The following ZNF622 variants were observed in gnomAD, a reference collection of about 807,000 sequenced individuals.
ZNF622 encodes the protein cytoplasmic 60S subunit biogenesis factor ZNF622.
Under a neutral mutation model 49.7 loss-of-function variants are expected in ZNF622, and 34 were observed. The observed-to-expected ratio is 0.68, with a 90% CI of 0.52 to 0.91. ZNF622 has a LOEUF of 0.91. Among genes scored for constraint, ZNF622 ranks in the 40% least tolerant of loss-of-function variants. The pLI is 0.00. For synonymous variants in ZNF622, 209 were observed against 228.7 expected (o/e 0.91, Z 0.78); for missense variants, 569 against 616.4 (o/e 0.92, Z 0.81).
intron 5 of ZNF622, 40 bp from the exon 6 acceptor site, chr5:16,451,824 G>A: frequency 1.3e-6 from 2 of 1,593,094 alleles, no homozygotes; most frequent in Non-Finnish European, 1.7e-6. Flanking sequence ...GCAAAGTTCT[G>A]TTATTTGTGA....
intron 5 of ZNF622, among the ~76,000 whole-genome samples, chr5:16,452,543 G>A (rs1425750507): frequency 6.6e-6 from 1 of 152,162 alleles, no homozygotes; most frequent in Non-Finnish European, 1.5e-5. Context: ...ACTCTAAGAG[G>A]TAGGTCTTAT....
intron 5 of ZNF622, among the ~76,000 whole-genome samples, chr5:16,452,447 G>T (rs1737948926): frequency 6.6e-6 from 1 of 152,066 alleles, no homozygotes; most frequent in Non-Finnish European, 1.5e-5. Context: ...AATTTTCTAT[G>T]GGAAAATTAC....
chr5:16,462,289 T>C (rs1738131573), intron 3 of ZNF622, among the ~76,000 whole-genome samples: 1 of 152,228 alleles, frequency 6.6e-6, no homozygotes, highest in Non-Finnish European at 1.5e-5. Flanking sequence ...TCTCCTGTGC[T>C]AGCTCACAGG....
intron 1 of ZNF622, 78 bp downstream of exon 1, chr5:16,464,963 C>T (rs967300851): frequency 6.3e-5 from 95 of 1,505,990 alleles, no homozygotes; most frequent in Non-Finnish European, 8.3e-5. Flanking sequence ...ACACACACAC[C>T]CATCTCGAGT....
Position 16,465,126 on chromosome 5 carries a change from G to A in ZNF622, c.540C>T (p.Leu180=), listed in dbSNP as rs373467803. 1.9e-6 allele frequency: 3 copies of A among 1,614,046 alleles called. No homozygotes were observed. Among genetic ancestry groups the A allele is most frequent in the Non-Finnish European group, 2.5e-6 (3 of 1,179,984 alleles). ...TCTTCGCCTGCTGTTCAAACCACTGGAGCCGGGGTGGTTTCTCACTCGGGT... is the reference window on the plus strand; with the variant it reads ...TCTTCGCCTGCTGTTCAAACCACTGAAGCCGGGGTGGTTTCTCACTCGGGT... ...DRDPSEKPPR[L]QWFEQQAKKL... The change falls in exon 1 of 6, where the codon CTC becomes CTT. Residue 180 remains leucine (L), a synonymous_variant. Coordinates refer to ENST00000308683, the MANE Select transcript of ZNF622 (RefSeq NM_033414.3). This position sits in a 1 kb window ranked among gnomAD's most constrained non-coding sequence, Gnocchi z 6.2.
rs1737937899 is a variant in ZNF622, at chr5:16,451,765, C to T, written c.1326G>A (p.Glu442=). ...TGSTGAALMR[E]RDMQYVQRMK... ...TCCTTTGGACATACTGCATGTCTCG[C>T]TCTCGCATAAGAGCCGCTCCTATGA... Residue 442 remains glutamate, a synonymous_variant, in exon 6 of 6, where the codon GAG becomes GAA. Coordinates refer to ENST00000308683, the MANE Select transcript of ZNF622 (RefSeq NM_033414.3). The T allele has an allele frequency of 1.9e-6, 3 of 1,613,814 alleles. No homozygotes were observed. The highest frequency in any genetic ancestry group is 2.5e-6 in the Non-Finnish European group (3 of 1,179,908).
At chr5:16,452,632 T>A (rs528754108) in intron 5 of ZNF622, among the ~76,000 whole-genome samples, 57 of 152,290 alleles carry the variant, frequency 3.7e-4, no homozygotes, top group African/African-American at 1.3e-3. Context: ...TATAAGAACC[T>A]CTAAGTACAT....
chr5:16,465,326 A>C lies in ZNF622; in HGVS notation c.340T>G (p.Leu114Val). Residue 114 changes from leucine (L) to valine (V), a missense_variant, in exon 1 of 6, where the codon TTG becomes GTG. By Grantham distance (32) the Leu-to-Val change is conservative. Coordinates refer to ENST00000308683, the MANE Select transcript of ZNF622 (RefSeq NM_033414.3). The surrounding 1 kb of genome is among the most constrained non-coding windows in gnomAD (Gnocchi z 6.2). Reference protein sequence around the residue: ...RKVEMMNEKNLEKGLGVDSVD... With the variant: ...RKVEMMNEKNVEKGLGVDSVD... ...CTGTCCACGCCCAGTCCTTTCTCCA[A>C]GTTCTTTTCATTCATCATCTCCACT... The C allele has an allele frequency of 6.2e-7, 1 of 1,614,218 alleles. No homozygotes were observed. The highest frequency in any genetic ancestry group is 8.5e-7 in the Non-Finnish European group (1 of 1,180,026).
chr5:16,465,632 C>G lies in ZNF622; in HGVS notation c.34G>C (p.Ala12Pro). 1 of 1,595,032 alleles carries G rather than the reference C, an allele frequency of 6.3e-7. No individual in the cohort carries two copies. The highest frequency in any genetic ancestry group is 8.5e-7 in the Non-Finnish European group (1 of 1,169,710). Residue 12 changes from alanine to proline, a missense_variant, in exon 1 of 6, where the codon GCG becomes CCG. Transcript: ENST00000308683. This position sits in a 1 kb window ranked among gnomAD's most constrained non-coding sequence, Gnocchi z 6.2. Reference protein sequence around the residue: ...ATYTCITCRVAFRDADMQRAH... With the variant: ...ATYTCITCRVPFRDADMQRAH... ...CGCTGCATGTCCGCGTCGCGGAACG[C>G]CACCCGGCAAGTTATGCAGGTGTAC... is the stretch of plus-strand genomic sequence containing the variant.
At chr5:16,457,440 C>T (rs777594955) in intron 4 of ZNF622, among the ~76,000 whole-genome samples, 5 of 152,186 alleles carry the variant, frequency 3.3e-5, no homozygotes, top group Non-Finnish European at 7.4e-5. Flanking sequence ...TTAGGTTTTA[C>T]CACTGTGTAT....
intron 4 of ZNF622, among the ~76,000 whole-genome samples, chr5:16,457,785 T>C (rs1337548805): frequency 6.6e-6 from 1 of 152,202 alleles, no homozygotes; most frequent in South Asian, 2.1e-4. Flanking sequence ...TCCTGGTAAG[T>C]TACTCAGCCT....
In ZNF622 at chr5:16,463,248, C is replaced by G; in HGVS notation, c.909G>C (p.Lys303Asn). 4 of 1,597,976 alleles carry G rather than the reference C, an allele frequency of 2.5e-6. No individual in the cohort carries two copies. The South Asian group carries it at 4.6e-5, about 18-fold the overall frequency. The change falls in exon 3 of 6, where the codon AAG becomes AAC. Residue 303 changes from lysine (K) to asparagine (N), a missense_variant. Physicochemically the swap from Lys to Asn is moderately conservative, Grantham distance 94. Coordinates refer to ENST00000308683, the MANE Select transcript of ZNF622 (RefSeq NM_033414.3). This position sits in a 1 kb window ranked among gnomAD's most constrained non-coding sequence, Gnocchi z 4.2. ...CTTTCTCGTTGCACCACAAGCAAAT[C>G]TTGCCAACACCAACTTTCTCTCCTA... ...KYLGEKVGVG[K>N]ICLWCNEKGK...
chr5:16,465,799 C>T lies in ZNF622; in HGVS notation c.-134G>A. On this transcript the variant is annotated 5_prime_UTR_variant, in exon 1 of 6. It adds an upstream start codon to the 5' untranslated region. Coordinates refer to ENST00000308683, the MANE Select transcript of ZNF622 (RefSeq NM_033414.3). The surrounding 1 kb of genome is among the most constrained non-coding windows in gnomAD (Gnocchi z 6.2). ...CGACACGCCGACTTCCTGATTGTCACTGAGGAAACTTCCGGCACACGTCGG... is the reference window on the plus strand; with the variant it reads ...CGACACGCCGACTTCCTGATTGTCATTGAGGAAACTTCCGGCACACGTCGG... The T allele has an allele frequency of 1.6e-6, 2 of 1,214,436 alleles. No homozygotes were observed. The highest frequency in any genetic ancestry group is 2.3e-6 in the Non-Finnish European group (2 of 882,874). The allele number at this position is 1,214,436 out of a possible 1,614,324, so 75.2% of individuals were successfully genotyped here.
chr5:16,451,795 A>T lies in ZNF622; in HGVS notation c.1307-11T>A. Reference sequence around the variant, plus strand: ...GCATAAGAGCCGCTCCTATGATTGGAAGGCAGTTAAGAAATTAGGCAAAGT... The same window carrying T: ...GCATAAGAGCCGCTCCTATGATTGGTAGGCAGTTAAGAAATTAGGCAAAGT... On this transcript the variant is annotated splice_polypyrimidine_tract_variant and intron_variant, in intron 5 of 5. Transcript: ENST00000308683. 3 of 1,606,604 alleles carry T rather than the reference A, an allele frequency of 1.9e-6. No homozygotes were observed. Among genetic ancestry groups the T allele is most frequent in the Non-Finnish European group, 2.5e-6 (3 of 1,177,642 alleles).
chr5:16,452,714 C>A (rs1169967555), intron 5 of ZNF622, among the ~76,000 whole-genome samples: 1 of 152,188 alleles, frequency 6.6e-6, no homozygotes, highest in Non-Finnish European at 1.5e-5. Context: ...CTCTGCATAA[C>A]CTCCAGGATA....
chr5:16,459,587 T>C (rs1738090459), intron 3 of ZNF622, among the ~76,000 whole-genome samples: 1 of 152,178 alleles, frequency 6.6e-6, no homozygotes, highest in Admixed American at 6.5e-5. Flanking sequence ...AAAGACACAT[T>C]AGAATGATGT....
At chr5:16,457,923 C>G (rs1207191850) in intron 4 of ZNF622, among the ~76,000 whole-genome samples, 1 of 152,212 alleles carries the variant, frequency 6.6e-6, no homozygotes, top group African/African-American at 2.4e-5. Flanking sequence ...ATTATCATCT[C>G]TACCTTTCCA....
intron 4 of ZNF622, among the ~76,000 whole-genome samples, chr5:16,453,950 C>T (rs1737980235): frequency 6.6e-6 from 1 of 152,050 alleles, no homozygotes; most frequent in Non-Finnish European, 1.5e-5. Flanking sequence ...ATGGAAATCA[C>T]CTGGTGAATA....
At position 16,465,426 on chromosome 5, in the gene ZNF622, G is replaced by A; in HGVS notation, c.240C>T (p.Asn80=). 6.2e-7 allele frequency: 1 copy of A among 1,614,242 alleles called. No individual in the cohort carries two copies. The highest frequency in any genetic ancestry group is 8.5e-7 in the Non-Finnish European group (1 of 1,180,044). Reference sequence around the variant, plus strand: ...GGGACTTGAGGTGGTTCTCGTAGGCGTTGAAAGAGGCAAACTTCTTACTGC... The same window carrying A: ...GGGACTTGAGGTGGTTCTCGTAGGCATTGAAAGAGGCAAACTTCTTACTGC... ...TVCSKKFASF[N]AYENHLKSRR... is the part of the protein sequence containing the mutation. Residue 80 remains asparagine (N), a synonymous_variant, in exon 1 of 6, where the codon AAC becomes AAT. Transcript: ENST00000308683. The surrounding 1 kb of genome is among the most constrained non-coding windows in gnomAD (Gnocchi z 6.2).
Sources: gnomAD v4.1 joint callset for allele counts (sites outside exome capture counted in the v4.1 genomes callset) on GRCh38, gnomAD v4.1.1 for gene constraint, Gnocchi (gnomAD v3.1) non-coding constraint, MANE v1.5 for transcripts, NCBI Gene and HGNC (gene_info 2026-07-23, HGNC 2026-07-21) for gene names.